The following SLC5A11 variants were observed in gnomAD, a reference collection of about 807,000 sequenced individuals.
SLC5A11 encodes the protein solute carrier family 5 member 11.
In SLC5A11, 48 loss-of-function variants were observed where a neutral mutation model predicts 69.8. The observed-to-expected ratio is 0.69, with a 90% CI of 0.55 to 0.87. The LOEUF (loss-of-function observed/expected upper bound fraction) is 0.87. SLC5A11 is among the 40% of genes least tolerant of loss of function. The pLI is 0.00. For missense variants in SLC5A11, 784 were observed against 866.1 expected, an observed-to-expected ratio of 0.91 and a Z score of 1.19; for synonymous variants, 319 against 342.4, an observed-to-expected ratio of 0.93 and a Z score of 0.75.
At chr16:24,884,159 C>G in intron 8 of SLC5A11, 28 bp downstream of exon 9, 1 of 1,600,470 alleles carries the variant, frequency 6.2e-7, no homozygotes. Context: ...GTCACTGGGG[C>G]GGACAACAGC....
intron 1 of SLC5A11, among the ~76,000 whole-genome samples, chr16:24,849,887 G>A (rs1056955871): frequency 2.6e-5 from 4 of 151,708 alleles, no homozygotes; most frequent in African/African-American, 4.8e-5. Context: ...CGGACTAGGG[G>A]TGATCCTGGC....
intron 9 of SLC5A11, among the ~76,000 whole-genome samples, chr16:24,893,291 A>AAATTAATTAATTAATTAATT (rs55990088): frequency 9.6e-5 from 14 of 146,518 alleles, no homozygotes; most frequent in Admixed American, 2.1e-4. Flanking sequence ...CCATCTCAAA[A>AAATTAATTAATTAATTAATT]AATTAATTAA....
chr16:24,851,877 G>A (rs768388940), intron 1 of SLC5A11, among the ~76,000 whole-genome samples: 1 of 152,002 alleles, frequency 6.6e-6, no homozygotes, highest in Non-Finnish European at 1.5e-5. Flanking sequence ...GCTTTATCAC[G>A]ACATATCTAT....
At chr16:24,849,593 A>AAAAAAAAT in intron 1 of SLC5A11, among the ~76,000 whole-genome samples, 12 of 35,906 alleles carry the variant, frequency 3.3e-4, no homozygotes, top group African/African-American at 9.2e-4. Context: ...AAAAAAAAAA[A>AAAAAAAAT]ATATATATAT....
At chr16:24,873,187 A>G (rs1435459025) in intron 5 of SLC5A11, among the ~76,000 whole-genome samples, 15 of 113,916 alleles carry the variant, frequency 1.3e-4, no homozygotes, top group East Asian at 4.8e-4. Context: ...AAAGGGGAAA[A>G]GGGAAAGGGA....
intron 5 of SLC5A11, among the ~76,000 whole-genome samples, 166 bp from the exon 7 acceptor site, chr16:24,875,461 G>T (rs2047606801): frequency 1.3e-5 from 2 of 152,134 alleles, no homozygotes; most frequent in South Asian, 4.1e-4. Flanking sequence ...GGAACCAACT[G>T]TGCTGGGCCC....
intron 10 of SLC5A11, among the ~76,000 whole-genome samples, chr16:24,904,632 C>G (rs572738829): frequency 6.6e-6 from 1 of 152,160 alleles, no homozygotes; most frequent in African/African-American, 2.4e-5. Context: ...TTGCACTTCT[C>G]TCTCCACCAC....
At chr16:24,890,156 A>G (rs1474388531) in intron 8 of SLC5A11, among the ~76,000 whole-genome samples, 1 of 152,164 alleles carries the variant, frequency 6.6e-6, no homozygotes, top group African/African-American at 2.4e-5. Context: ...TTAAGGAAAA[A>G]GGAGATGGAC....
At chr16:24,888,783 CTT>C (rs1169015317) in intron 8 of SLC5A11, among the ~76,000 whole-genome samples, 36 of 45,740 alleles carry the variant, frequency 7.9e-4, no homozygotes, top group African/African-American at 2.7e-3. Flanking sequence ...CGTGCCTGTC[CTT>C]TTTTTTTTTT....
chr16:24,869,476 G>T (rs2047135950), intron 3 of SLC5A11, among the ~76,000 whole-genome samples: 1 of 152,198 alleles, frequency 6.6e-6, no homozygotes, highest in Non-Finnish European at 1.5e-5. Flanking sequence ...ATACCAAGAA[G>T]ACTATCTACT....
chr16:24,909,845 A>G (rs1379462594), intron 14 of SLC5A11, among the ~76,000 whole-genome samples: 1 of 150,886 alleles, frequency 6.6e-6, no homozygotes, highest in African/African-American at 2.4e-5. Flanking sequence ...AAAAAAAAAA[A>G]AAAAAAAGTA....
At chr16:24,878,310 A>T (rs1027577742) in intron 7 of SLC5A11, among the ~76,000 whole-genome samples, 1 of 152,230 alleles carries the variant, frequency 6.6e-6, no homozygotes, top group Non-Finnish European at 1.5e-5. Flanking sequence ...AACTACTGCA[A>T]TCCTGGAGCC....
rs111616483 is a variant in SLC5A11, at chr16:24,890,758, A to AT, written c.665-106dup. 3,149 of 1,010,174 alleles carry AT rather than the reference A, an allele frequency of 3.1e-3. 66 individuals are homozygous for AT. In the African/African-American group the frequency reaches 0.044, roughly 14 times the overall value. The allele number at this position is 1,010,174 out of a possible 1,614,324, so 62.6% of individuals were successfully genotyped here. On this transcript the variant is annotated intron_variant, in intron 8 of 15. Coordinates refer to ENST00000347898, the Ensembl canonical transcript of SLC5A11. Reference sequence around the variant, plus strand: ...GTTAAGAACCCTTAAGGGGATTAACATTTTTGGTGGCTCTGGTCCTACTAG... The same window carrying AT: ...GTTAAGAACCCTTAAGGGGATTAACATTTTTTGGTGGCTCTGGTCCTACTAG...
In SLC5A11 at chr16:24,883,918, G is replaced by A. The variant is rs112626196; in HGVS notation, c.584-133G>A. 28 of 726,014 alleles carry A rather than the reference G, an allele frequency of 3.9e-5. 2 individuals are homozygous for A. The highest frequency in any genetic ancestry group is 3.3e-4 in the African/African-American group (19 of 57,330). 45.0% of individuals were successfully genotyped at this position (726,014 alleles called of 1,614,324 possible). ...GGCGTGCACACAGGGAGGAGTGATC[G>A]TGGCCATCTTTGCAATCAGTCAGCA... On this transcript the variant is annotated intron_variant, in intron 7 of 15. Transcript: ENST00000347898.
At chr16:24,907,287 C>T in intron 12 of SLC5A11, 112 bp downstream of exon 13, 1 of 1,182,420 alleles carries the variant, frequency 8.5e-7, no homozygotes, top group Non-Finnish European at 1.2e-6. Context: ...CATTAGGACT[C>T]CATGTGCAAG....
intron 5 of SLC5A11, among the ~76,000 whole-genome samples, chr16:24,875,413 T>G (rs2047604316): frequency 6.9e-6 from 1 of 145,950 alleles, no homozygotes; most frequent in African/African-American, 2.5e-5. Context: ...CAAACTGCAC[T>G]CAAGTGATTC....
intron 12 of SLC5A11, 39 bp from the exon 14 acceptor site, chr16:24,907,924 C>CAGGGA (rs10677816): frequency 0.5 from 807,107 of 1,608,372 alleles, 208,621 homozygotes; most frequent in Non-Finnish European, 0.54. Context: ...AGTAAATGTT[C>CAGGGA]AGATGATGCT....
chr16:24,907,084 A>G, exon 12 of SLC5A11: 2 of 1,613,966 alleles, frequency 1.2e-6, no homozygotes, highest in Non-Finnish European at 1.7e-6. Flanking sequence ...CCTCACCTCC[A>G]TCTTTAACAG....
intron 9 of SLC5A11, among the ~76,000 whole-genome samples, chr16:24,892,459 AG>A (rs1289761174): frequency 2.7e-5 from 4 of 147,330 alleles, no homozygotes; most frequent in Admixed American, 6.9e-5. Context: ...AAAAAAAAAA[AG>A]GAGAATAGAA....
Sources: gnomAD v4.1 joint callset for allele counts (sites outside exome capture counted in the v4.1 genomes callset) on GRCh38, gnomAD v4.1.1 for gene constraint, MANE v1.5 for transcripts, NCBI Gene and HGNC (gene_info 2026-07-23, HGNC 2026-07-21) for gene names.